The following RIN3 variants were observed in gnomAD, a reference collection of about 807,000 sequenced individuals.
RIN3 encodes Ras and Rab interactor 3.
A neutral mutation model predicts 76.3 loss-of-function variants in RIN3; 54 were observed. The observed-to-expected ratio is 0.71, with a 90% CI of 0.57 to 0.89. The LOEUF (loss-of-function observed/expected upper bound fraction) is 0.89. Among genes scored for constraint, RIN3 ranks in the 40% least tolerant of loss-of-function variants. The pLI, the probability that RIN3 is intolerant of heterozygous loss-of-function variation, is 0.00. For missense variants in RIN3, 1,256 were observed against 1,322.1 expected, an observed-to-expected ratio of 0.95 and a Z score of 0.78; for synonymous variants, 576 against 564.0, an observed-to-expected ratio of 1.02 and a Z score of -0.30.
chr14:92,641,155 G>A (rs914620957), intron 4 of RIN3, 83 bp from the exon 5 acceptor site: 2 of 1,080,574 alleles, frequency 1.9e-6, no homozygotes, highest in Admixed American at 1.7e-5. Flanking sequence ...AGCCAGCAGA[G>A]ATTGCCAGGG....
rs545729654 is a variant in RIN3 at position 92,677,841 on chromosome 14, T to A, written c.2467+1235T>A. Among the ~76,000 whole-genome samples the A allele has an allele frequency of 3.7e-5, 5 of 133,932 alleles. No individual in the cohort carries two copies. In the South Asian group the frequency reaches 1.0e-3, roughly 28 times the overall value. The allele number at this position is 133,932 out of a possible 152,430, so 87.9% of individuals were successfully genotyped here. ...CCACTCATCCACCTACCCACCCATCTACCCATCCACCCACCCATCTACCCA... is the reference window on the plus strand; with the variant it reads ...CCACTCATCCACCTACCCACCCATCAACCCATCCACCCACCCATCTACCCA... On this transcript the variant is annotated intron_variant, in intron 8 of 9. Coordinates refer to ENST00000216487, the MANE Select transcript of RIN3 (RefSeq NM_024832.5).
Position 92,652,651 on chromosome 14 carries a change from C to T in RIN3, c.1602C>T (p.Leu534=), listed in dbSNP as rs773735388. The T allele has an allele frequency of 3.1e-6, 5 of 1,612,142 alleles. No homozygotes were observed. The South Asian group carries it at 4.4e-5, about 14-fold the overall frequency. ...SPEFKGSLAS[L]SDSLGVSVMA... ...AGTTCAAGGGCTCCCTGGCCTCCCT[C>T]TCAGACAGCTTGGGGGTGTCTGTCA... The change falls in exon 6 of 10, where the codon CTC becomes CTT. Residue 534 remains leucine, a synonymous_variant. Coordinates refer to ENST00000216487, the MANE Select transcript of RIN3 (RefSeq NM_024832.5). This position sits in a 1 kb window ranked among gnomAD's most constrained non-coding sequence, Gnocchi z 6.4.
intron 6 of RIN3, among the ~76,000 whole-genome samples, chr14:92,657,131 G>A (rs1214940809): frequency 6.6e-6 from 1 of 152,200 alleles, no homozygotes; most frequent in Non-Finnish European, 1.5e-5. Flanking sequence ...GGCCGAGGAG[G>A]GCAGATCACT....
Position 92,685,001 on chromosome 14 carries a change from A to C in RIN3, c.2482A>C (p.Thr828Pro). 1 of 1,613,190 alleles carries C rather than the reference A, an allele frequency of 6.2e-7. No homozygotes were observed. Among genetic ancestry groups the C allele is most frequent in the South Asian group, 1.1e-5 (1 of 91,052 alleles). The change falls in exon 9 of 10, where the codon ACC becomes CCC. Residue 828 changes from threonine to proline, a missense_variant. Physicochemically the swap from Thr to Pro is conservative, Grantham distance 38. Transcript: ENST00000216487. The surrounding 1 kb of genome is among the most constrained non-coding windows in gnomAD (Gnocchi z 4.7). The stretch of plus-strand genomic sequence containing the variant: ...TGTCCACGCAGGTTCCTACTATCTG[A>C]CCACCACCTACGGGGCCCTGGAGCA... Reference protein sequence around the residue: ...LQLGEGSYYLTTTYGALEHIK... With the variant: ...LQLGEGSYYLPTTYGALEHIK...
chr14:92,673,984 T>G (rs1888375502), intron 7 of RIN3, among the ~76,000 whole-genome samples: 1 of 152,076 alleles, frequency 6.6e-6, no homozygotes, highest in African/African-American at 2.4e-5. Flanking sequence ...GTTTCTTGAG[T>G]GTAGTGCGTT....
rs1887654429 is a variant in RIN3 at position 92,656,074 on chromosome 14, G to T, written c.2026+2999G>T. 6.6e-6 allele frequency among the ~76,000 whole-genome samples: 1 copy of T among 152,210 alleles called. No individual in the cohort carries two copies. Reference sequence around the variant, plus strand: ...GTGCAGACCAGGAGGACACAGAAGGGCATGGGAGGACGTGGAAGGACATGG... The same window carrying T: ...GTGCAGACCAGGAGGACACAGAAGGTCATGGGAGGACGTGGAAGGACATGG... On this transcript the variant is annotated intron_variant, in intron 6 of 9. Coordinates refer to ENST00000216487, the MANE Select transcript of RIN3 (RefSeq NM_024832.5). This position sits in a 1 kb window ranked among gnomAD's most constrained non-coding sequence, Gnocchi z 5.2.
At chr14:92,631,227 GGGGCT>G (rs963329266) in intron 4 of RIN3, among the ~76,000 whole-genome samples, 5 of 152,286 alleles carry the variant, frequency 3.3e-5, no homozygotes, top group African/African-American at 1.2e-4. Flanking sequence ...TGGGGCCCGG[GGGGCT>G]GGGCTGGGAG....
rs1334540279 is a variant in RIN3, at chr14:92,555,760, AGTT to A, written c.59_61del (p.Val20del). ...GAATTCTGTTTTTCAGTCCGGTTCC[AGTT>A]GTTGGCAAAGGAGAGGAAGAGGAAG... On this transcript the variant is annotated inframe_deletion, in exon 2 of 10. Coordinates refer to ENST00000216487, the MANE Select transcript of RIN3 (RefSeq NM_024832.5). The A allele has an allele frequency of 2.5e-6, 4 of 1,614,136 alleles. No individual in the cohort carries two copies. Among genetic ancestry groups the A allele is most frequent in the Non-Finnish European group, 3.4e-6 (4 of 1,180,014 alleles).
chr14:92,596,118 T>C (rs567970282), intron 3 of RIN3, among the ~76,000 whole-genome samples: 4 of 152,364 alleles, frequency 2.6e-5, no homozygotes, highest in East Asian at 1.9e-4. Flanking sequence ...AGTTTTCACA[T>C]TGGAAACTTT....
intron 7 of RIN3, chr14:92,659,670 A>T (rs376104215): frequency 1.6e-5 from 8 of 490,732 alleles, no homozygotes; most frequent in African/African-American, 9.8e-5. Flanking sequence ...GAGAGCCATG[A>T]TCGGCTGTTG....
At chr14:92,660,421 T>A (rs1031799421) in intron 7 of RIN3, among the ~76,000 whole-genome samples, 1 of 152,120 alleles carries the variant, frequency 6.6e-6, no homozygotes, top group Non-Finnish European at 1.5e-5. Context: ...GCCCACTTGC[T>A]GAGTGGTTGG....
At position 92,652,176 on chromosome 14, in the gene RIN3, T is replaced by C; in HGVS notation, c.1127T>C (p.Leu376Pro). Residue 376 changes from leucine (L) to proline (P), a missense_variant, in exon 6 of 10, where the codon CTG becomes CCG. By Grantham distance (98) the Leu-to-Pro change is moderately conservative (BLOSUM62 -3). This residue lies in a region of RIN3 where 610 missense variants were observed against 626.4 expected (regional missense o/e 0.97). Transcript: ENST00000216487. This position sits in a 1 kb window ranked among gnomAD's most constrained non-coding sequence, Gnocchi z 6.4. The part of the protein sequence containing the change: ...SPLQQVPAPP[L>P]PAKKNLPTAP... ...TTGCAGCAGGTCCCCGCCCCGCCAC[T>C]GCCTGCGAAGAAGAACCTTCCCACT... The C allele has an allele frequency of 6.2e-7, 1 of 1,604,238 alleles. No homozygotes were observed. Among genetic ancestry groups the C allele is most frequent in the Non-Finnish European group, 8.5e-7 (1 of 1,173,902 alleles).
rs564619817 is a variant in RIN3 at position 92,524,303 on chromosome 14, A to C, written c.44+10327A>C. On this transcript the variant is annotated intron_variant, in intron 1 of 9. Transcript: ENST00000216487. ...TCATTCACTGTCTCTTCGTTGAAAC[A>C]GTCTTGGGGTCTCTTGGGCCGTATC... Among the ~76,000 whole-genome samples the C allele has an allele frequency of 3.9e-5, 6 of 152,254 alleles. 1 individual carries two copies. Among genetic ancestry groups the C allele is most frequent in the African/African-American group, 2.4e-5 (1 of 41,570 alleles).
intron 3 of RIN3, among the ~76,000 whole-genome samples, chr14:92,587,058 T>G (rs1426388958): frequency 2.0e-5 from 3 of 152,266 alleles, no homozygotes; most frequent in East Asian, 1.9e-4. Flanking sequence ...GGCTAGAAGG[T>G]GGGATTCGGC....
chr14:92,617,700 G>A (rs1886023592), intron 4 of RIN3, among the ~76,000 whole-genome samples: 1 of 151,968 alleles, frequency 6.6e-6, no homozygotes, highest in Admixed American at 6.6e-5. Flanking sequence ...ACCAAAGAAT[G>A]ACTTAACTAA....
chr14:92,615,462 G>C lies in RIN3; in HGVS notation c.423G>C (p.Ala141=), dbSNP rs143846272. 7 of 1,613,936 alleles carry C rather than the reference G, an allele frequency of 4.3e-6. No homozygotes were observed. The East Asian group carries it at 1.1e-4, about 26-fold the overall frequency. Residue 141 remains alanine, a synonymous_variant, in exon 4 of 10, where the codon GCG becomes GCC. Transcript: ENST00000216487. ...TTGAGGACATCTTCAGATTGATTGC[G>C]TTCTACTGTGTCAGTAGGTGAGTAG... ...LVFEDIFRLI[A]FYCVSRDLLP...
chr14:92,525,519 G>A (rs1214141339), intron 1 of RIN3, among the ~76,000 whole-genome samples: 2 of 152,108 alleles, frequency 1.3e-5, no homozygotes, highest in African/African-American at 4.8e-5. Flanking sequence ...CAAAGAGGGG[G>A]GTGAAAGGGA....
At chr14:92,612,167 C>A (rs941183875) in intron 3 of RIN3, among the ~76,000 whole-genome samples, 1 of 152,152 alleles carries the variant, frequency 6.6e-6, no homozygotes, top group Admixed American at 6.6e-5. Flanking sequence ...GGACACAGAT[C>A]CAAACCATAT....
chr14:92,647,594 C>T (rs1887245476), intron 5 of RIN3, among the ~76,000 whole-genome samples: 1 of 152,178 alleles, frequency 6.6e-6, no homozygotes, highest in Non-Finnish European at 1.5e-5. Flanking sequence ...TCATTGAAAA[C>T]TTGACTTTGA....
Sources: allele counts gnomAD v4.1 joint callset (sites outside exome capture counted in the v4.1 genomes callset), GRCh38; gene constraint gnomAD v4.1.1; regional missense constraint gnomAD v4.1.1; non-coding constraint Gnocchi (gnomAD v3.1); transcripts MANE v1.5; gene names NCBI Gene and HGNC (gene_info 2026-07-23, HGNC 2026-07-21).